TGM5: variants seen among roughly 807,000 people sequenced by gnomAD.
TGM5 encodes the protein protein-glutamine gamma-glutamyltransferase 5.
TGM5 carries 69 observed loss-of-function variants against 77.2 expected under a neutral mutation model. That is an observed-to-expected ratio of 0.89 (90% CI 0.74 to 1.09). The LOEUF is 1.09. TGM5 is among the 50% of genes least tolerant of loss of function. TGM5 has a pLI of 0.00. For missense variants in TGM5, 842 were observed against 896.5 expected (o/e 0.94, Z 0.78); for synonymous variants, 346 against 351.8 (o/e 0.98, Z 0.18).
At chr15:43,244,584 T>C (rs2042658835) in intron 6 of TGM5, among the ~76,000 whole-genome samples, 1 of 152,254 alleles carries the variant, frequency 6.6e-6, no homozygotes, top group African/African-American at 2.4e-5. Flanking sequence ...TATCAAGGTA[T>C]ATCACACTGC....
In TGM5 at chr15:43,253,620, G is replaced by C; in HGVS notation, c.570C>G (p.Ile190Met). The C allele has an allele frequency of 6.2e-7, 1 of 1,613,458 alleles. No homozygotes were observed. Among genetic ancestry groups the C allele is most frequent in the Non-Finnish European group, 8.5e-7 (1 of 1,180,034 alleles). Residue 190 changes from isoleucine (I) to methionine (M), a missense_variant, in exon 5 of 13, where the codon ATC becomes ATG. Coordinates refer to ENST00000220420, the MANE Select transcript of TGM5 (RefSeq NM_201631.4). ...CTAGCAGCTTCAGGCAGATGTCTAT[G>C]ATTTTGTCTTCAAACTTCGGGGGGA... ...PWNYGQFEDK[I>M]IDICLKLLDK...
intron 1 of TGM5, among the ~76,000 whole-genome samples, chr15:43,263,416 G>A (rs533633566): frequency 6.6e-6 from 1 of 152,298 alleles, no homozygotes; most frequent in South Asian, 2.1e-4. Flanking sequence ...AAAATTAGAG[G>A]AGTGGCACTT....
chr15:43,266,131 AT>A (rs2042823152), intron 1 of TGM5, among the ~76,000 whole-genome samples: 1 of 152,184 alleles, frequency 6.6e-6, no homozygotes, highest in South Asian at 2.1e-4. Flanking sequence ...TTATTTATTT[AT>A]TTTACTCCAA....
In TGM5 at chr15:43,238,852, C is replaced by T. The variant is rs777337249; in HGVS notation, c.1310G>A (p.Arg437Gln). The change falls in exon 9 of 13, where the codon CGG (arginine) becomes CAG (glutamine). Residue 437 changes from arginine to glutamine, a missense_variant. Coordinates refer to ENST00000220420, the MANE Select transcript of TGM5 (RefSeq NM_201631.4). Reference sequence around the variant, plus strand: ...CTTGTAGTTCTCTGTGATGTCATCCCGCTCGTCACTCTGGATGCTCTTTGT... The same window carrying T: ...CTTGTAGTTCTCTGTGATGTCATCCTGCTCGTCACTCTGGATGCTCTTTGT... Reference protein sequence around the residue: ...ISTKSIQSDERDDITENYKYE... With the variant: ...ISTKSIQSDEQDDITENYKYE... The T allele has an allele frequency of 1.2e-5, 20 of 1,613,970 alleles. No individual in the cohort carries two copies. Among genetic ancestry groups the T allele is most frequent in the Middle Eastern group, 1.6e-4 (1 of 6,084 alleles).
chr15:43,245,587 C>T (rs1326627465), intron 6 of TGM5, among the ~76,000 whole-genome samples: 1 of 152,164 alleles, frequency 6.6e-6, no homozygotes, highest in African/African-American at 2.4e-5. Context: ...GGTCTTCTAG[C>T]CTGCACTAAG....
Position 43,260,147 on chromosome 15 carries a change from C to T in TGM5, c.341G>A (p.Arg114Gln), listed in dbSNP as rs771150754. ...GTCGATGTGGATTTTCAAGAGGTAC[C>T]GACCCACGGCCGCCGTGGGAGGAGC... Reference protein sequence around the residue: ...LCAPPTAAVGRYLLKIHIDSF... With the variant: ...LCAPPTAAVGQYLLKIHIDSF... Residue 114 changes from arginine to glutamine, a missense_variant, in exon 3 of 13, where the codon CGG becomes CAG. Arg to Gln is a conservative substitution (Grantham distance 43). Around this residue, in one of 2 missense-constraint regions of TGM5, gnomAD observed 815 missense variants for 844.6 expected, o/e 0.96. Transcript: ENST00000220420. 1.9e-6 allele frequency: 3 copies of T among 1,614,016 alleles called. No homozygotes were observed. Among genetic ancestry groups the T allele is most frequent in the Admixed American group, 3.3e-5 (2 of 59,996 alleles).
chr15:43,253,058 C>T, intron 5 of TGM5, 122 bp from the exon 6 acceptor site: 2 of 1,086,992 alleles, frequency 1.8e-6, no homozygotes, highest in South Asian at 1.3e-5. Context: ...CAGCATTTTA[C>T]TGTGGACTTC....
At position 43,235,533 on chromosome 15, in the gene TGM5, G is replaced by A. The variant is rs143745718; in HGVS notation, c.1650C>T (p.His550=). ...AGAATGGGGACAGGGGGCTGCCATCGTGCAGCAGAGACTGGGCACTCAGGT... is the reference window on the plus strand; with the variant it reads ...AGAATGGGGACAGGGGGCTGCCATCATGCAGCAGAGACTGGGCACTCAGGT... ...KVNLSAQSLL[H]DGSPLSPFWQ... The change falls in exon 10 of 13, where the codon CAC becomes CAT. Residue 550 remains histidine (H), a synonymous_variant. Transcript: ENST00000220420. The A allele has an allele frequency of 6.6e-5, 107 of 1,614,120 alleles. 2 individuals carry two copies. The highest frequency in any genetic ancestry group is 1.3e-4 in the East Asian group (6 of 44,900).
At chr15:43,240,405 T>C (rs984777157) in intron 7 of TGM5, among the ~76,000 whole-genome samples, 1 of 152,232 alleles carries the variant, frequency 6.6e-6, no homozygotes, top group Non-Finnish European at 1.5e-5. Context: ...CAATTTCCCC[T>C]GTATCTTTGG....
chr15:43,245,437 G>C (rs553417821), intron 6 of TGM5, among the ~76,000 whole-genome samples: 1 of 152,108 alleles, frequency 6.6e-6, no homozygotes, highest in South Asian at 2.1e-4. Flanking sequence ...TATTGCTTTG[G>C]TCTTTCAGAT....
intron 6 of TGM5, among the ~76,000 whole-genome samples, chr15:43,245,964 C>T (rs2042667853): frequency 6.6e-6 from 1 of 151,950 alleles, no homozygotes; most frequent in Non-Finnish European, 1.5e-5. Flanking sequence ...CTACTCCCTC[C>T]ATCCTCACAC....
At chr15:43,238,705 C>T in intron 9 of TGM5, 112 bp downstream of exon 9, 1 of 1,509,808 alleles carries the variant, frequency 6.6e-7, no homozygotes, top group Non-Finnish European at 8.9e-7. Flanking sequence ...AACTGAACAG[C>T]TGAGGAGACA....
intron 6 of TGM5, among the ~76,000 whole-genome samples, chr15:43,250,471 A>G (rs2042696532): frequency 2.6e-5 from 4 of 152,238 alleles, no homozygotes; most frequent in Admixed American, 6.5e-5. Flanking sequence ...TCCAGAGTCC[A>G]CAAGCTTCTC....
rs751539308 is a variant in TGM5 at position 43,233,395 on chromosome 15, C to T, written c.2010-51G>A. On this transcript the variant is annotated intron_variant, in intron 12 of 12. Coordinates refer to ENST00000220420, the MANE Select transcript of TGM5 (RefSeq NM_201631.4). ...GAAAACCAAAAGCATGATAATGACC[C>T]TGGAGCCCTTTTCCACCCAGCTTCC... The T allele has an allele frequency of 3.7e-6, 6 of 1,611,462 alleles. No individual in the cohort carries two copies. The African/African-American group carries it at 5.3e-5, about 14-fold the overall frequency.
intron 3 of TGM5, among the ~76,000 whole-genome samples, chr15:43,257,820 A>C (rs1420013192): frequency 1.3e-5 from 2 of 152,230 alleles, no homozygotes; most frequent in African/African-American, 4.8e-5. Context: ...AAAGACTTGG[A>C]ACCAACCCAA....
At chr15:43,261,074 GTGTTTTTTTTTTTTTTT>G (rs1196709946) in intron 1 of TGM5, among the ~76,000 whole-genome samples, 6 of 73,878 alleles carry the variant, frequency 8.1e-5, no homozygotes, top group South Asian at 5.5e-4. Flanking sequence ...TTTTGTGTGT[GTGTTTTTTTTTTTTTTT>G]TTTTTTTTTT....
intron 6 of TGM5, among the ~76,000 whole-genome samples, chr15:43,252,157 C>G (rs1256178124): frequency 1.3e-5 from 2 of 152,220 alleles, no homozygotes; most frequent in Non-Finnish European, 2.9e-5. Flanking sequence ...TGAACCTAGA[C>G]AGTTCCCAGC....
chr15:43,240,218 G>C (rs896749841), intron 7 of TGM5, among the ~76,000 whole-genome samples: 1 of 152,126 alleles, frequency 6.6e-6, no homozygotes, highest in African/African-American at 2.4e-5. Flanking sequence ...CCTCATTCTA[G>C]AGAGGGTTCT....
intron 1 of TGM5, among the ~76,000 whole-genome samples, chr15:43,266,001 A>G (rs1395722758): frequency 2.6e-5 from 4 of 152,362 alleles, no homozygotes; most frequent in African/African-American, 9.6e-5. Flanking sequence ...CCTATGTATT[A>G]CATTGAGTAA....
Sources: allele counts gnomAD v4.1 joint callset (sites outside exome capture counted in the v4.1 genomes callset), GRCh38; gene constraint gnomAD v4.1.1; regional missense constraint gnomAD v4.1.1; transcripts MANE v1.5; gene names NCBI Gene and HGNC (gene_info 2026-07-23, HGNC 2026-07-21).